The following FCHSD2 variants were observed in gnomAD, a reference collection of about 807,000 sequenced individuals.
FCHSD2 encodes FCH and double SH3 domains 2, also known as F-BAR and double SH3 domains protein 2.
A neutral mutation model predicts 108.1 loss-of-function variants in FCHSD2; 38 were observed. The ratio of observed to expected loss-of-function variants is 0.35; its 90% CI spans 0.27 to 0.46. FCHSD2 has a LOEUF of 0.46. Ranked by LOEUF, FCHSD2 falls within the 20% of genes least tolerant of loss-of-function variation. FCHSD2 has a pLI of 1.00. For missense variants in FCHSD2, 751 were observed against 897.8 expected (o/e 0.84, Z 2.09); for synonymous variants, 279 against 314.7 (o/e 0.89, Z 1.20).
chr11:73,047,326 A>C (rs1451051144), intron 3 of FCHSD2, among the ~76,000 whole-genome samples: 1 of 152,164 alleles, frequency 6.6e-6, no homozygotes, highest in Non-Finnish European at 1.5e-5. Context: ...TAGGGAAGAA[A>C]AGTGGTCAGC....
At position 72,958,083 on chromosome 11, in the gene FCHSD2, T is replaced by C. The variant is rs1478825874; in HGVS notation, c.705+26005A>G. On this transcript the variant is annotated intron_variant, in intron 8 of 19. Coordinates refer to ENST00000409418, the MANE Select transcript of FCHSD2 (RefSeq NM_014824.3). ...CATTTAACTACTTTAATGTACTCTG[T>C]TGTAATCTTAAAATATTTTGGCTTC... is the stretch of plus-strand genomic sequence containing the variant. Among the ~76,000 whole-genome samples, 4 of 152,360 alleles carry C rather than the reference T, an allele frequency of 2.6e-5. 1 individual carries two copies. The highest frequency in any genetic ancestry group is 2.6e-4 in the Admixed American group (4 of 15,306).
At chr11:72,889,450 C>A (rs1855268439) in intron 11 of FCHSD2, among the ~76,000 whole-genome samples, 1 of 152,154 alleles carries the variant, frequency 6.6e-6, no homozygotes, top group Non-Finnish European at 1.5e-5. Context: ...TGACAGCACA[C>A]TGCTGAGTGT....
chr11:73,032,518 GC>G lies in FCHSD2; in HGVS notation c.166-16634del, dbSNP rs1858385577. On this transcript the variant is annotated intron_variant, in intron 3 of 19. Coordinates refer to ENST00000409418, the MANE Select transcript of FCHSD2 (RefSeq NM_014824.3). ...TAGGATTACAGGTGTGAGCCACCAT[GC>G]TTGGCCTATTTCTATCACTTAATTG... is the stretch of plus-strand genomic sequence containing the variant. 5.9e-5 allele frequency among the ~76,000 whole-genome samples: 9 copies of G among 152,002 alleles called. 1 individual carries two copies. The South Asian group carries it at 1.5e-3, about 25-fold the overall frequency.
intron 3 of FCHSD2, among the ~76,000 whole-genome samples, chr11:73,041,179 T>C (rs886873447): frequency 3.9e-5 from 6 of 152,250 alleles, no homozygotes; most frequent in African/African-American, 9.6e-5. Context: ...TGAATAGTGC[T>C]GCAACAAACT....
Position 72,958,584 on chromosome 11 carries a change from A to G in FCHSD2, c.705+25504T>C, listed in dbSNP as rs111484239. Among the ~76,000 whole-genome samples, 882 of 152,318 alleles carry G rather than the reference A, an allele frequency of 5.8e-3. 4 individuals are homozygous for G. Among genetic ancestry groups the G allele is most frequent in the South Asian group, 0.014 (68 of 4,828 alleles). The stretch of plus-strand genomic sequence containing the variant: ...TGGATTCTATATGTAAACACCACGG[A>G]ACAAAATCTAATAAGTGAGTATTTC... On this transcript the variant is annotated intron_variant, in intron 8 of 19. Transcript: ENST00000409418.
At chr11:72,927,460 T>C (rs1454017272) in intron 8 of FCHSD2, among the ~76,000 whole-genome samples, 1 of 152,176 alleles carries the variant, frequency 6.6e-6, no homozygotes, top group East Asian at 1.9e-4. Context: ...GGGATGTTGA[T>C]AGTGGGAGGA....
chr11:72,981,089 G>A (rs1181141888), intron 8 of FCHSD2, among the ~76,000 whole-genome samples: 1 of 152,148 alleles, frequency 6.6e-6, no homozygotes, highest in Non-Finnish European at 1.5e-5. Flanking sequence ...ATGATTGATA[G>A]GAGTTTTCCT....
At chr11:72,848,051 T>G (rs1466362644) in intron 14 of FCHSD2, among the ~76,000 whole-genome samples, 1 of 152,196 alleles carries the variant, frequency 6.6e-6, no homozygotes, top group Admixed American at 6.5e-5. Context: ...GCCTCCTTTT[T>G]GGTCTGGACT....
At chr11:73,053,320 A>G (rs942889677) in intron 3 of FCHSD2, among the ~76,000 whole-genome samples, 3 of 152,010 alleles carry the variant, frequency 2.0e-5, no homozygotes, top group African/African-American at 7.2e-5. Context: ...CAACCTATTC[A>G]TTGAGAGATA....
chr11:72,876,137 C>T (rs1389927130), intron 12 of FCHSD2, among the ~76,000 whole-genome samples: 1 of 152,028 alleles, frequency 6.6e-6, no homozygotes, highest in Non-Finnish European at 1.5e-5. Context: ...GCAGCCTGGG[C>T]AAAATAGCAA....
At chr11:72,929,715 G>T (rs993416206) in intron 8 of FCHSD2, among the ~76,000 whole-genome samples, 1 of 152,128 alleles carries the variant, frequency 6.6e-6, no homozygotes, top group Non-Finnish European at 1.5e-5. Context: ...AAAAGCCAAC[G>T]ATCAGAATAA....
At chr11:72,918,860 A>C (rs1855926536) in intron 9 of FCHSD2, among the ~76,000 whole-genome samples, 2 of 152,194 alleles carry the variant, frequency 1.3e-5, no homozygotes, top group Non-Finnish European at 2.9e-5. Flanking sequence ...CAGTAGAGCT[A>C]CCTTCAGAGT....
chr11:72,880,854 T>A (rs1409971494), intron 12 of FCHSD2, among the ~76,000 whole-genome samples: 3 of 144,838 alleles, frequency 2.1e-5, no homozygotes, highest in Admixed American at 7.0e-5. Context: ...GGTGACAGAG[T>A]GATACCCTGT....
At chr11:73,002,666 C>T (rs142700060) in intron 4 of FCHSD2, among the ~76,000 whole-genome samples, 54 of 152,154 alleles carry the variant, frequency 3.5e-4, no homozygotes, top group African/African-American at 1.3e-3. Flanking sequence ...TACCCTTCAT[C>T]CATGTTCTTC....
At chr11:73,047,742 T>C (rs1156584061) in intron 3 of FCHSD2, among the ~76,000 whole-genome samples, 1 of 152,238 alleles carries the variant, frequency 6.6e-6, no homozygotes, top group Non-Finnish European at 1.5e-5. Flanking sequence ...GGTCTAGGAC[T>C]ATCAAAATGC....
chr11:72,959,220 C>CT (rs11408216), intron 8 of FCHSD2, among the ~76,000 whole-genome samples: 26,786 of 54,984 alleles, frequency 0.49, 12,336 homozygotes, highest in South Asian at 0.69. Flanking sequence ...ATCCAGCAGT[C>CT]TTTTTTTTTT....
intron 13 of FCHSD2, among the ~76,000 whole-genome samples, chr11:72,851,672 G>A (rs1861292283): frequency 6.6e-6 from 1 of 152,152 alleles, no homozygotes; most frequent in Non-Finnish European, 1.5e-5. Context: ...GAACCTGGGA[G>A]GCAGAGGTTG....
At chr11:72,925,923 G>A (rs1161464787) in intron 8 of FCHSD2, among the ~76,000 whole-genome samples, 2 of 152,202 alleles carry the variant, frequency 1.3e-5, no homozygotes, top group African/African-American at 4.8e-5. Context: ...ACCCTCCTGG[G>A]ACTGGCTACA....
At chr11:72,865,027 T>G (rs1158353884) in intron 13 of FCHSD2, among the ~76,000 whole-genome samples, 1 of 152,258 alleles carries the variant, frequency 6.6e-6, no homozygotes, top group Non-Finnish European at 1.5e-5. Context: ...AATACCCAAG[T>G]AAGTATAGTT....
Sources: gnomAD v4.1 joint callset for allele counts (sites outside exome capture counted in the v4.1 genomes callset) on GRCh38, gnomAD v4.1.1 for gene constraint, MANE v1.5 for transcripts, NCBI Gene and HGNC (gene_info 2026-07-23, HGNC 2026-07-21) for gene names.